UNC13C: variants seen among roughly 807,000 people sequenced by gnomAD.
The protein encoded by UNC13C is unc-13 homolog C, also known as protein unc-13 homolog C.
A neutral mutation model predicts 245.4 loss-of-function variants in UNC13C; 174 were observed. The ratio of observed to expected loss-of-function variants is 0.71; its 90% CI spans 0.63 to 0.80. The LOEUF (loss-of-function observed/expected upper bound fraction) is 0.80, where lower values mean the gene tolerates loss of function less well. Among genes scored for constraint, UNC13C ranks in the 30% least tolerant of loss-of-function variants. The pLI is 0.00. For missense variants in UNC13C, 2,829 were observed against 2,602.9 expected (o/e 1.09, Z -1.89); for synonymous variants, 992 against 895.1 (o/e 1.11, Z -1.93).
intron 26 of UNC13C, among the ~76,000 whole-genome samples, chr15:54,545,192 T>C (rs912780009): frequency 1.3e-5 from 2 of 152,076 alleles, no homozygotes; most frequent in South Asian, 2.1e-4. Context: ...AAACAAGCAA[T>C]GGGGAAACGA....
intron 2 of UNC13C, among the ~76,000 whole-genome samples, chr15:54,059,919 G>A (rs1056379596): frequency 3.3e-5 from 5 of 152,190 alleles, no homozygotes; most frequent in African/African-American, 1.2e-4. Context: ...GCCATATGGA[G>A]AAAGCTGAAA....
intron 10 of UNC13C, among the ~76,000 whole-genome samples, chr15:54,291,250 T>C (rs1485730432): frequency 6.6e-6 from 1 of 152,024 alleles, no homozygotes; most frequent in Non-Finnish European, 1.5e-5. Context: ...GTGCTCTTAC[T>C]ATTCCAACTG....
At chr15:54,424,777 T>C (rs1417085590) in intron 19 of UNC13C, among the ~76,000 whole-genome samples, 2 of 151,878 alleles carry the variant, frequency 1.3e-5, no homozygotes, top group Admixed American at 6.6e-5. Context: ...GCTAGACCTA[T>C]TGACAGTCTG....
At chr15:53,987,531 TTTG>T (rs145719556) in intron 1 of UNC13C, among the ~76,000 whole-genome samples, 55,029 of 151,334 alleles carry the variant, frequency 0.36, 10,879 homozygotes, top group Admixed American at 0.51. Context: ...AGACAGGCTT[TTTG>T]TTGTTGTTGT....
intron 7 of UNC13C, among the ~76,000 whole-genome samples, chr15:54,237,967 T>C (rs2035748693): frequency 6.6e-6 from 1 of 152,164 alleles, no homozygotes; most frequent in African/African-American, 2.4e-5. Context: ...GTCCTACTGA[T>C]TTTTTACATA....
At chr15:54,330,440 G>A (rs7182182) in intron 14 of UNC13C, among the ~76,000 whole-genome samples, 46,528 of 151,728 alleles carry the variant, frequency 0.31, 7,369 homozygotes, top group Non-Finnish European at 0.33. Context: ...ATGGAAGAAC[G>A]GATATTGGGC....
chr15:54,322,147 A>C, intron 14 of UNC13C, 52 bp downstream of exon 14: 1 of 1,459,306 alleles, frequency 6.9e-7, no homozygotes, highest in Admixed American at 2.9e-5. Context: ...TGGGAGTTAC[A>C]TTTCAAGAGA....
At chr15:53,968,795 T>G in the UNC13C span, among the ~76,000 whole-genome samples, 1 of 152,210 alleles carries the variant, frequency 6.6e-6, no homozygotes, top group South Asian at 2.1e-4. Context: ...GTTTTTGTTT[T>G]CATTCAGATT....
chr15:54,442,762 G>T (rs1424540394), intron 19 of UNC13C, among the ~76,000 whole-genome samples: 1 of 151,944 alleles, frequency 6.6e-6, no homozygotes, highest in Non-Finnish European at 1.5e-5. Flanking sequence ...TGGCATTCCT[G>T]GGATAACTTG....
At chr15:54,080,104 T>G (rs935822002) in intron 2 of UNC13C, among the ~76,000 whole-genome samples, 2 of 151,832 alleles carry the variant, frequency 1.3e-5, no homozygotes, top group Non-Finnish European at 2.9e-5. Context: ...TTAGTTCTGT[T>G]TATGTAGTGA....
intron 2 of UNC13C, among the ~76,000 whole-genome samples, chr15:54,102,903 C>T (rs1233470626): frequency 1.3e-5 from 2 of 152,322 alleles, no homozygotes; most frequent in East Asian, 3.9e-4. Context: ...GTTCTGGTGT[C>T]ACTGTCAAAA....
At chr15:54,551,941 A>T (rs79213662) in intron 28 of UNC13C, among the ~76,000 whole-genome samples, 4,492 of 151,722 alleles carry the variant, frequency 0.03, 96 homozygotes, top group Middle Eastern at 0.041. Context: ...AAAAAATGTT[A>T]AACTATGGGT....
chr15:53,973,350 C>G (rs531647574), upstream of UNC13C, among the ~76,000 whole-genome samples: 3 of 152,212 alleles, frequency 2.0e-5, no homozygotes, highest in African/African-American at 7.2e-5. Context: ...TATATACTAT[C>G]TAAGTTGCTT....
In UNC13C at chr15:53,996,279, C is replaced by T. The variant is rs1894629251; in HGVS notation, c.-256-16369C>T. Among the ~76,000 whole-genome samples the T allele has an allele frequency of 2.0e-5, 3 of 152,120 alleles. No homozygotes were observed. In the South Asian group the frequency reaches 6.2e-4, roughly 31 times the overall value. ...GTGACAGTGAAGCTTTGGACAACTT[C>T]AGTTCGTCTTTAATCAAGAAGACGT... is the stretch of plus-strand genomic sequence containing the variant. On this transcript the variant is annotated intron_variant, in intron 1 of 32. Transcript: ENST00000260323.
the UNC13C span, among the ~76,000 whole-genome samples, chr15:53,852,792 A>G: frequency 6.6e-6 from 1 of 152,100 alleles, no homozygotes; most frequent in Non-Finnish European, 1.5e-5. Flanking sequence ...TTAGTTTTCT[A>G]ATTATGGCAG....
intron 30 of UNC13C, among the ~76,000 whole-genome samples, chr15:54,586,021 C>G (rs1180428285): frequency 6.6e-6 from 1 of 152,144 alleles, no homozygotes; most frequent in Non-Finnish European, 1.5e-5. Context: ...AATTACCCTC[C>G]TAGCCTCCTA....
At chr15:53,973,462 T>C (rs539258024), upstream of UNC13C, among the ~76,000 whole-genome samples, 202 of 152,178 alleles carry the variant, frequency 1.3e-3, no homozygotes, top group Non-Finnish European at 2.4e-3. Flanking sequence ...TAAGAAACTT[T>C]ACTAAAGTCA....
intron 30 of UNC13C, among the ~76,000 whole-genome samples, chr15:54,597,137 A>G (rs531222076): frequency 3.1e-4 from 47 of 152,240 alleles, no homozygotes; most frequent in Admixed American, 8.5e-4. Flanking sequence ...AATAGGGTTC[A>G]TGTTCCTGTG....
At chr15:54,099,669 C>T (rs1039922881) in intron 2 of UNC13C, among the ~76,000 whole-genome samples, 4 of 152,154 alleles carry the variant, frequency 2.6e-5, no homozygotes, top group African/African-American at 9.6e-5. Context: ...GAATATTCCC[C>T]CTTTGATTAA....
Sources: gnomAD v4.1 joint callset for allele counts (sites outside exome capture counted in the v4.1 genomes callset) on GRCh38, gnomAD v4.1.1 for gene constraint, MANE v1.5 for transcripts, NCBI Gene and HGNC (gene_info 2026-07-23, HGNC 2026-07-21) for gene names.